Variants in ROBO2 observed in about 807,000 individuals in gnomAD.
ROBO2 encodes roundabout homolog 2.
ROBO2 carries 53 observed loss-of-function variants against 160.8 expected under a neutral mutation model. The observed-to-expected ratio is 0.33, with a 90% CI of 0.26 to 0.41. The LOEUF is 0.41. ROBO2 is among the 10% of genes least tolerant of loss of function. ROBO2 has a pLI of 1.00. For missense variants in ROBO2, 1,577 were observed against 1,722.4 expected (o/e 0.92, Z 1.49); for synonymous variants, 664 against 611.7 (o/e 1.09, Z -1.26).
At chr3:75,968,611 C>A (rs1277303395) in intron 2 of ROBO2, among the ~76,000 whole-genome samples, 1 of 151,532 alleles carries the variant, frequency 6.6e-6, no homozygotes, top group African/African-American at 2.4e-5. Flanking sequence ...AAAAAATATA[C>A]TTTTAGAAAA....
chr3:77,206,344 A>G (rs116727685), intron 2 of ROBO2, among the ~76,000 whole-genome samples: 157 of 151,952 alleles, frequency 1.0e-3, no homozygotes, highest in African/African-American at 3.6e-3. Context: ...TAATTTTTGC[A>G]TTTTTGGTGG....
At chr3:77,433,473 T>G (rs2078979819) in intron 2 of ROBO2, among the ~76,000 whole-genome samples, 1 of 137,906 alleles carries the variant, frequency 7.3e-6, no homozygotes, top group Non-Finnish European at 1.5e-5. Context: ...TTTTCCTTCT[T>G]CTCTGGCAAC....
chr3:76,373,699 A>G (rs2076211586), intron 2 of ROBO2, among the ~76,000 whole-genome samples: 1 of 152,010 alleles, frequency 6.6e-6, no homozygotes, highest in Non-Finnish European at 1.5e-5. Context: ...TGTAAAAATG[A>G]AGATTGCATC....
At chr3:76,078,645 G>GTGAGC (rs1394486347) in intron 2 of ROBO2, among the ~76,000 whole-genome samples, 1 of 152,118 alleles carries the variant, frequency 6.6e-6, no homozygotes, top group Non-Finnish European at 1.5e-5. Context: ...GATTATAGGT[G>GTGAGC]TGAGCCACCA....
At chr3:76,515,962 A>G (rs191500901) in intron 2 of ROBO2, among the ~76,000 whole-genome samples, 63 of 152,304 alleles carry the variant, frequency 4.1e-4, no homozygotes, top group African/African-American at 1.5e-3. Context: ...GAGAGCAGCA[A>G]GGCATTAGAG....
chr3:77,005,483 A>G (rs2061535703), intron 2 of ROBO2, among the ~76,000 whole-genome samples: 1 of 152,232 alleles, frequency 6.6e-6, no homozygotes, highest in South Asian at 2.1e-4. Context: ...CTAATGCACT[A>G]ATTTCATTTA....
chr3:77,255,624 A>G (rs2090840131), intron 2 of ROBO2, among the ~76,000 whole-genome samples: 1 of 152,256 alleles, frequency 6.6e-6, no homozygotes, highest in Non-Finnish European at 1.5e-5. Flanking sequence ...ATAGCAATTT[A>G]GGAGATACCA....
chr3:76,181,783 T>C (rs1303230217), intron 2 of ROBO2, among the ~76,000 whole-genome samples: 1 of 151,398 alleles, frequency 6.6e-6, no homozygotes, highest in Non-Finnish European at 1.5e-5. Flanking sequence ...TGTTTGACCT[T>C]TTATGTCCTA....
chr3:77,036,529 T>C (rs1311601481), upstream of ROBO2, among the ~76,000 whole-genome samples: 3 of 151,974 alleles, frequency 2.0e-5, no homozygotes, highest in Non-Finnish European at 4.4e-5. Flanking sequence ...GAATACCAAC[T>C]CAGAAATTCA....
chr3:77,317,069 G>A (rs1581003728), intron 2 of ROBO2: 2 of 1,444,208 alleles, frequency 1.4e-6, no homozygotes, highest in East Asian at 4.5e-5. Context: ...GTGTGAAGCT[G>A]GAATTCATCA....
intron 2 of ROBO2, among the ~76,000 whole-genome samples, chr3:77,173,055 G>A (rs2079791863): frequency 6.6e-6 from 1 of 152,234 alleles, no homozygotes; most frequent in East Asian, 1.9e-4. Flanking sequence ...AGATAGACAA[G>A]GTAAATCAAC....
At chr3:77,608,573 G>T (rs1559718197) in intron 21 of ROBO2, among the ~76,000 whole-genome samples, 1 of 152,146 alleles carries the variant, frequency 6.6e-6, no homozygotes, top group Non-Finnish European at 1.5e-5. Flanking sequence ...TGTCTCACAA[G>T]AGTTAGTTTT....
intron 2 of ROBO2, among the ~76,000 whole-genome samples, chr3:76,355,451 A>G (rs1284550116): frequency 1.3e-5 from 2 of 151,766 alleles, no homozygotes; most frequent in African/African-American, 4.8e-5. Context: ...GAAGGTGTGA[A>G]GGAAGTATTC....
At chr3:76,837,670 T>C (rs2067830166) in intron 2 of ROBO2, among the ~76,000 whole-genome samples, 1 of 151,920 alleles carries the variant, frequency 6.6e-6, no homozygotes, top group South Asian at 2.1e-4. Context: ...TGTTGTTGAC[T>C]CATTTGCAGC....
chr3:76,076,306 G>A (rs2068644017), intron 2 of ROBO2, among the ~76,000 whole-genome samples: 1 of 152,098 alleles, frequency 6.6e-6, no homozygotes, highest in African/African-American at 2.4e-5. Context: ...GAAGAAAATT[G>A]CAATGGCCTT....
chr3:77,475,345 GT>G, intron 2 of ROBO2, among the ~76,000 whole-genome samples: 1 of 152,178 alleles, frequency 6.6e-6, no homozygotes, highest in Admixed American at 6.5e-5. Flanking sequence ...ATAAGCACAT[GT>G]TTTATTGTTG....
intron 2 of ROBO2, among the ~76,000 whole-genome samples, chr3:76,502,898 A>G (rs1406395520): frequency 6.6e-6 from 1 of 152,184 alleles, no homozygotes; most frequent in Non-Finnish European, 1.5e-5. Flanking sequence ...TTATTGCAAT[A>G]TATTATCTAA....
At chr3:77,569,537 T>G (rs1022654970) in intron 13 of ROBO2, among the ~76,000 whole-genome samples, 6 of 152,144 alleles carry the variant, frequency 3.9e-5, no homozygotes, top group Non-Finnish European at 8.8e-5. Context: ...ACTTAACAAG[T>G]GTTTATATAC....
chr3:76,391,867 A>C (rs1413707272), intron 2 of ROBO2, among the ~76,000 whole-genome samples: 2 of 152,202 alleles, frequency 1.3e-5, no homozygotes, highest in East Asian at 3.9e-4. Flanking sequence ...AATAATCAAA[A>C]ATAGTGAAAA....
Sources: gnomAD v4.1 joint callset for allele counts (sites outside exome capture counted in the v4.1 genomes callset) on GRCh38, gnomAD v4.1.1 for gene constraint, MANE v1.5 for transcripts, NCBI Gene and HGNC (gene_info 2026-07-23, HGNC 2026-07-21) for gene names.